The following OLA1 variants were observed in gnomAD, a reference collection of about 807,000 sequenced individuals.
OLA1 encodes the protein Obg like ATPase 1.
In OLA1, 14 loss-of-function variants were observed where a neutral mutation model predicts 48.4. That is an observed-to-expected ratio of 0.29 (90% CI 0.19 to 0.45). OLA1 has a LOEUF of 0.45. OLA1 is among the 20% of genes least tolerant of loss of function. The probability of loss-of-function intolerance (pLI) is 1.00; values close to 1 mark genes in which losing one functional copy is unlikely to be tolerated. For synonymous variants in OLA1, 127 were observed against 150.4 expected (o/e 0.84, Z 1.14); for missense variants, 325 against 467.1 (o/e 0.70, Z 2.80).
intron 2 of OLA1, among the ~76,000 whole-genome samples, chr2:174,241,293 T>C (rs748958635): frequency 2.0e-5 from 3 of 152,200 alleles, no homozygotes; most frequent in African/African-American, 7.2e-5. Context: ...ACTCACTACA[T>C]TCCCGACGAA....
At chr2:174,097,686 T>C (rs748707755) in intron 7 of OLA1, among the ~76,000 whole-genome samples, 14 of 150,172 alleles carry the variant, frequency 9.3e-5, no homozygotes, top group African/African-American at 3.2e-4. Flanking sequence ...GATCACGCCA[T>C]TGCACTCCAG....
intron 10 of OLA1, among the ~76,000 whole-genome samples, chr2:174,077,602 G>A (rs891370457): frequency 2.6e-5 from 4 of 151,962 alleles, no homozygotes; most frequent in Non-Finnish European, 5.9e-5. Context: ...CCAGTTAGTG[G>A]TAAATAGTCT....
intron 5 of OLA1, among the ~76,000 whole-genome samples, chr2:174,135,714 A>G (rs1272508933): frequency 1.3e-5 from 2 of 152,216 alleles, no homozygotes; most frequent in South Asian, 4.1e-4. Flanking sequence ...GATCTCTTTA[A>G]GTCATATATG....
At chr2:174,090,204 C>A (rs1335229470) in intron 7 of OLA1, among the ~76,000 whole-genome samples, 1 of 152,106 alleles carries the variant, frequency 6.6e-6, no homozygotes, top group African/African-American at 2.4e-5. Context: ...ATGGCCATTT[C>A]TTTTGCAGCA....
At position 174,149,864 on chromosome 2, in the gene OLA1, T is replaced by C. The variant is rs531457330; in HGVS notation, c.374-7864A>G. Among the ~76,000 whole-genome samples, 10 of 152,350 alleles carry C rather than the reference T, an allele frequency of 6.6e-5. 1 individual carries two copies. The South Asian group carries it at 1.9e-3, about 28-fold the overall frequency. On this transcript the variant is annotated intron_variant, in intron 4 of 10. Transcript: ENST00000284719. ...TCTGTTTAGGATGCTGAATCTAACC[T>C]GAAGGACTTCAGAAACAAAAATATA...
At chr2:174,154,602 C>T (rs1454305282) in intron 4 of OLA1, among the ~76,000 whole-genome samples, 1 of 152,080 alleles carries the variant, frequency 6.6e-6, no homozygotes, top group Non-Finnish European at 1.5e-5. Context: ...CTCTACCATA[C>T]TTGAGTCATA....
At chr2:174,201,517 T>A (rs1205374657) in intron 4 of OLA1, among the ~76,000 whole-genome samples, 1 of 152,070 alleles carries the variant, frequency 6.6e-6, no homozygotes, top group Non-Finnish European at 1.5e-5. Flanking sequence ...CCCGGCTGAT[T>A]TTTTTTATTG....
chr2:174,191,943 C>T (rs1392036321), intron 4 of OLA1, among the ~76,000 whole-genome samples: 1 of 152,162 alleles, frequency 6.6e-6, no homozygotes, highest in African/African-American at 2.4e-5. Flanking sequence ...CAGCAGTTTG[C>T]CAATCCCTGA....
chr2:174,212,729 G>C (rs1284990845), intron 4 of OLA1, among the ~76,000 whole-genome samples: 2 of 151,504 alleles, frequency 1.3e-5, no homozygotes, highest in Non-Finnish European at 1.5e-5. Flanking sequence ...TAAAAACTAA[G>C]ACACAAATAC....
chr2:174,208,749 C>T (rs1197089368), intron 4 of OLA1, among the ~76,000 whole-genome samples: 1 of 152,192 alleles, frequency 6.6e-6, no homozygotes, highest in Non-Finnish European at 1.5e-5. Flanking sequence ...TGTACTCCCT[C>T]CTCCATGCAT....
chr2:174,217,072 T>C (rs1688378487), intron 4 of OLA1, among the ~76,000 whole-genome samples: 1 of 152,172 alleles, frequency 6.6e-6, no homozygotes, highest in Admixed American at 6.5e-5. Context: ...AAGGGTCAAC[T>C]GTATTTTGGA....
chr2:174,228,657 T>C (rs752654839), intron 3 of OLA1, among the ~76,000 whole-genome samples: 9 of 152,146 alleles, frequency 5.9e-5, no homozygotes, highest in Non-Finnish European at 1.2e-4. Flanking sequence ...TAGAGGAATA[T>C]AAGAATAAAG....
At chr2:174,237,026 TTACCAA>T (rs1219417018) in intron 2 of OLA1, among the ~76,000 whole-genome samples, 1 of 152,150 alleles carries the variant, frequency 6.6e-6, no homozygotes, top group Non-Finnish European at 1.5e-5. Flanking sequence ...TAGCCTTAGC[TTACCAA>T]TACTTTTTAC....
chr2:174,241,881 T>C (rs1217991597), intron 2 of OLA1, among the ~76,000 whole-genome samples: 1 of 152,172 alleles, frequency 6.6e-6, no homozygotes, highest in Non-Finnish European at 1.5e-5. Flanking sequence ...AGTGATCCGC[T>C]TGCCTCAGCC....
chr2:174,103,883 T>C (rs1685455001), intron 7 of OLA1, among the ~76,000 whole-genome samples: 2 of 151,726 alleles, frequency 1.3e-5, no homozygotes, highest in East Asian at 3.9e-4. Context: ...AATCTGGGGG[T>C]GTTATTCTAG....
At chr2:174,171,225 G>A (rs1284659937) in intron 4 of OLA1, among the ~76,000 whole-genome samples, 1 of 151,884 alleles carries the variant, frequency 6.6e-6, no homozygotes, top group Non-Finnish European at 1.5e-5. Context: ...AATGGAACTA[G>A]ACAAAAAAAT....
chr2:174,244,628 A>T (rs189394361), intron 2 of OLA1, among the ~76,000 whole-genome samples: 3,196 of 150,760 alleles, frequency 0.021, 47 homozygotes, highest in South Asian at 0.056. Context: ...ATTAAAAAAA[A>T]ATTTTTTTTT....
In OLA1 at chr2:174,162,061, G is replaced by A. The variant is rs563445312; in HGVS notation, c.374-20061C>T. Among the ~76,000 whole-genome samples, 198 of 152,240 alleles carry A rather than the reference G, an allele frequency of 1.3e-3. 3 individuals are homozygous for A. Among genetic ancestry groups the A allele is most frequent in the African/African-American group, 4.0e-3 (166 of 41,546 alleles). ...CTAATCTCAAAGGCAGGAAAAGTGA[G>A]CAAAAGGGGGACAGACGAAGTTCAC... On this transcript the variant is annotated intron_variant, in intron 4 of 10. Transcript: ENST00000284719.
chr2:174,075,196 T>C lies in OLA1; in HGVS notation c.*230A>G, dbSNP rs1684701601. On this transcript the variant is annotated 3_prime_UTR_variant, in exon 11 of 11. Transcript: ENST00000284719. ...CCTGAAAAGCTTCTACAATTTGGAGTAGGGTCTTAATCACGTGAAAAGCAA... is the reference window on the plus strand; with the variant it reads ...CCTGAAAAGCTTCTACAATTTGGAGCAGGGTCTTAATCACGTGAAAAGCAA... The C allele has an allele frequency of 1.2e-5, 5 of 410,768 alleles. No homozygotes were observed. Among genetic ancestry groups the C allele is most frequent in the African/African-American group, 2.2e-5 (1 of 45,136 alleles). 25.4% of individuals were successfully genotyped at this position (410,768 alleles called of 1,614,324 possible).
Sources: allele counts gnomAD v4.1 joint callset (sites outside exome capture counted in the v4.1 genomes callset), GRCh38; gene constraint gnomAD v4.1.1; transcripts MANE v1.5; gene names NCBI Gene and HGNC (gene_info 2026-07-23, HGNC 2026-07-21).